The following PRDM15 variants were observed in gnomAD, a reference collection of about 807,000 sequenced individuals.
PRDM15 encodes PR/SET domain 15, also known as PR domain zinc finger protein 15.
In PRDM15, 64 loss-of-function variants were observed where a neutral mutation model predicts 128.6. That is an observed-to-expected ratio of 0.50 (90% CI 0.41 to 0.61). The LOEUF (loss-of-function observed/expected upper bound fraction) is 0.61. PRDM15 is among the 20% of genes least tolerant of loss of function. PRDM15 has a pLI of 0.00. For missense variants in PRDM15, 1,242 were observed against 1,569.1 expected (o/e 0.79, Z 3.52); for synonymous variants, 615 against 621.8 (o/e 0.99, Z 0.16).
intron 11 of PRDM15, among the ~76,000 whole-genome samples, chr21:41,833,319 GC>G (rs1486440339): frequency 6.6e-6 from 1 of 152,084 alleles, no homozygotes; most frequent in Admixed American, 6.5e-5. Context: ...TTTTAAAACT[GC>G]CCCCCACACC....
In PRDM15 at chr21:41,821,141, G is replaced by A; in HGVS notation, c.1986C>T (p.Arg662=). 2 of 1,614,238 alleles carry A rather than the reference G, an allele frequency of 1.2e-6. No individual in the cohort carries two copies. Among genetic ancestry groups the A allele is most frequent in the South Asian group, 2.2e-5 (2 of 91,086 alleles). ...KGYGCSICNR[R]FALKATYHAH... The stretch of plus-strand genomic sequence containing the variant: ...CGTGGTAGGTGGCCTTCAGTGCAAA[G>A]CGCCGGTTGCAGATGCTGCAGCCAT... The change falls in exon 16 of 24, where the codon CGC becomes CGT. Residue 662 remains arginine, a synonymous_variant. Coordinates refer to ENST00000398548, the MANE Select transcript of PRDM15 (RefSeq NM_001040424.3). The surrounding 1 kb of genome is among the most constrained non-coding windows in gnomAD (Gnocchi z 5.4).
chr21:41,815,264 C>T (rs1286887859), intron 19 of PRDM15, among the ~76,000 whole-genome samples: 1 of 152,216 alleles, frequency 6.6e-6, no homozygotes, highest in East Asian at 1.9e-4. Flanking sequence ...CGAGCGGACA[C>T]CTTGCTCTTT....
At chr21:41,822,107 G>A (rs1249838161) in intron 14 of PRDM15, 70 bp from the exon 15 acceptor site, 1 of 1,595,254 alleles carries the variant, frequency 6.3e-7, no homozygotes, top group African/African-American at 1.3e-5. Context: ...CTACACCGCA[G>A]GGACGACCAA....
chr21:41,833,359 A>G (rs1057309946), intron 11 of PRDM15, among the ~76,000 whole-genome samples: 1 of 152,218 alleles, frequency 6.6e-6, no homozygotes, highest in Non-Finnish European at 1.5e-5. Flanking sequence ...TGAGTCCTCG[A>G]GAGAGGGTGA....
rs917334648 is a variant in PRDM15, at chr21:41,811,291, C to T, written c.2393-455G>A. 9.0e-5 allele frequency: 15 copies of T among 167,328 alleles called. No individual in the cohort carries two copies. The highest frequency in any genetic ancestry group is 1.8e-4 in the Non-Finnish European group (14 of 76,148). 10.4% of individuals were successfully genotyped at this position (167,328 alleles called of 1,614,324 possible). ...CCAAGCGTAAAAGACAACAGAACTGCCGTGCTCGGACAAAATGAGTGTGAT... is the reference window on the plus strand; with the variant it reads ...CCAAGCGTAAAAGACAACAGAACTGTCGTGCTCGGACAAAATGAGTGTGAT... On this transcript the variant is annotated intron_variant, in intron 19 of 23. Coordinates refer to ENST00000398548, the MANE Select transcript of PRDM15 (RefSeq NM_001040424.3). This position sits in a 1 kb window ranked among gnomAD's most constrained non-coding sequence, Gnocchi z 4.1.
In PRDM15 at chr21:41,798,638, A is replaced by T. The variant is rs980710048; in HGVS notation, c.*2602T>A. ...GGATGGCACTCGAGTCCACAGCTGC[A>T]CGGAGCCACGGGTCCAAAACGAATT... On this transcript the variant is annotated 3_prime_UTR_variant, in exon 24 of 24. Coordinates refer to ENST00000398548, the MANE Select transcript of PRDM15 (RefSeq NM_001040424.3). The T allele has an allele frequency of 2.6e-5, 4 of 152,248 alleles. No individual in the cohort carries two copies. Among genetic ancestry groups the T allele is most frequent in the African/African-American group, 9.6e-5 (4 of 41,458 alleles). The allele number at this position is 152,248 out of a possible 1,614,324, so 9.4% of individuals were successfully genotyped here.
chr21:41,823,048 A>AGAAT (rs1601216132), intron 14 of PRDM15: 2 of 378,432 alleles, frequency 5.3e-6, no homozygotes, highest in East Asian at 1.1e-4. Flanking sequence ...AAAAAAAAAA[A>AGAAT]GAATGGGATT....
Position 41,804,518 on chromosome 21 carries a change from G to A in PRDM15, c.2733+16C>T. The A allele has an allele frequency of 6.4e-7, 1 of 1,554,920 alleles. No individual in the cohort carries two copies. The highest frequency in any genetic ancestry group is 1.9e-5 in the Admixed American group (1 of 51,316). On this transcript the variant is annotated intron_variant, in intron 22 of 23. Coordinates refer to ENST00000398548, the MANE Select transcript of PRDM15 (RefSeq NM_001040424.3). Reference sequence around the variant, plus strand: ...ACCCCAAAGTTTCTGAGCCCCTGGGGCCCCATGCTGCTCACCTGGACGATG... The same window carrying A: ...ACCCCAAAGTTTCTGAGCCCCTGGGACCCCATGCTGCTCACCTGGACGATG...
rs776081324 is a variant in PRDM15, at chr21:41,839,645, G to A, written c.849C>T (p.Ile283=). 1.9e-6 allele frequency: 3 copies of A among 1,612,404 alleles called. No homozygotes were observed. Among genetic ancestry groups the A allele is most frequent in the South Asian group, 1.1e-5 (1 of 91,030 alleles). The change falls in exon 7 of 24, where the codon ATC becomes ATT. Residue 283 remains isoleucine, a synonymous_variant. Coordinates refer to ENST00000398548, the MANE Select transcript of PRDM15 (RefSeq NM_001040424.3). ...KVSKAEQPLV[I]VEDKEPTEQV... is the part of the protein sequence containing the mutation. Reference sequence around the variant, plus strand: ...CACCTGTGGGTTCCTTGTCTTCCACGATGACTAGAGGCTGCTCAGCTTTGG... The same window carrying A: ...CACCTGTGGGTTCCTTGTCTTCCACAATGACTAGAGGCTGCTCAGCTTTGG...
intron 6 of PRDM15, among the ~76,000 whole-genome samples, chr21:41,846,793 G>A (rs953308215): frequency 6.6e-6 from 1 of 152,256 alleles, no homozygotes; most frequent in South Asian, 2.1e-4. Context: ...TGCCACGGCT[G>A]GCTCCTGGCC....
At position 41,802,824 on chromosome 21, in the gene PRDM15, GCCT is replaced by G; in HGVS notation, c.2828_2830del (p.Glu943del). On this transcript the variant is annotated inframe_deletion, in exon 23 of 24. Coordinates refer to ENST00000398548, the MANE Select transcript of PRDM15 (RefSeq NM_001040424.3). ...GGCGTCCTCGGGCACCGGAGCACCC[GCCT>G]CCTCTTCTGGCTTCTGCTTTCTCTT... 1 of 1,614,148 alleles carries G rather than the reference GCCT, an allele frequency of 6.2e-7. No homozygotes were observed. Among genetic ancestry groups the G allele is most frequent in the Admixed American group, 1.7e-5 (1 of 60,026 alleles).
Position 41,836,547 on chromosome 21 carries a change from G to C in PRDM15, c.1104C>G (p.His368Gln). Residue 368 changes from histidine to glutamine, a missense_variant, in exon 9 of 24, where the codon CAC (histidine) becomes CAG (glutamine). This residue lies in a region of PRDM15 where 612 missense variants were observed against 717.0 expected (regional missense o/e 0.85). Transcript: ENST00000398548. ...AGATATTGCACTGGTAAACCCGCTT[G>C]TGCTCCCCGAGCTGTTTGATGAGCT... is the stretch of plus-strand genomic sequence containing the variant. ...RRKLIKQLGE[H>Q]KRVYQCNICS... 1 of 1,613,244 alleles carries C rather than the reference G, an allele frequency of 6.2e-7. No homozygotes were observed. The highest frequency in any genetic ancestry group is 8.5e-7 in the Non-Finnish European group (1 of 1,180,002).
intron 3 of PRDM15, among the ~76,000 whole-genome samples, chr21:41,857,823 G>C (rs1308081667): frequency 6.6e-6 from 1 of 152,202 alleles, no homozygotes; most frequent in Non-Finnish European, 1.5e-5. Context: ...TGAGACTGAG[G>C]TTGTGATGAT....
At chr21:41,830,596 AAC>A (rs1343226002) in intron 11 of PRDM15, among the ~76,000 whole-genome samples, 1 of 151,598 alleles carries the variant, frequency 6.6e-6, no homozygotes, top group African/African-American at 2.4e-5. Context: ...CCTCATATTC[AAC>A]ACACACCACA....
At chr21:41,831,064 G>C (rs529247864) in intron 11 of PRDM15, among the ~76,000 whole-genome samples, 338 of 152,368 alleles carry the variant, frequency 2.2e-3, no homozygotes, top group Admixed American at 3.7e-3. Context: ...GGGTGACCCA[G>C]GAGCGGGGCA....
At chr21:41,827,756 G>A (rs563584633) in intron 12 of PRDM15, among the ~76,000 whole-genome samples, 1 of 151,990 alleles carries the variant, frequency 6.6e-6, no homozygotes, top group South Asian at 2.1e-4. Context: ...GTGTATGAAG[G>A]GCTGCTGCTC....
At position 41,798,796 on chromosome 21, in the gene PRDM15, A is replaced by C. The variant is rs1053250034; in HGVS notation, c.*2444T>G. The C allele has an allele frequency of 1.3e-5, 2 of 152,258 alleles. No individual in the cohort carries two copies. The highest frequency in any genetic ancestry group is 2.9e-5 in the Non-Finnish European group (2 of 68,054). The allele number at this position is 152,258 out of a possible 1,614,324, so 9.4% of individuals were successfully genotyped here. A position where few individuals can be genotyped will look rare whatever the true frequency, so the allele number is the denominator to read the frequency against. On this transcript the variant is annotated 3_prime_UTR_variant, in exon 24 of 24. Coordinates refer to ENST00000398548, the MANE Select transcript of PRDM15 (RefSeq NM_001040424.3). The stretch of plus-strand genomic sequence containing the variant: ...TCCTGTCATGATGATCAATATGCAG[A>C]ACTGCGTATAGGTGAGGACTCTTCT...
intron 21 of PRDM15, among the ~76,000 whole-genome samples, chr21:41,808,964 C>G (rs1459466937): frequency 6.6e-6 from 1 of 152,216 alleles, no homozygotes; most frequent in Non-Finnish European, 1.5e-5. Context: ...CTCGTGCCAG[C>G]CGGCCAGTGT....
intron 11 of PRDM15, among the ~76,000 whole-genome samples, chr21:41,830,206 T>C (rs1442844346): frequency 1.5e-5 from 2 of 133,064 alleles, no homozygotes; most frequent in African/African-American, 5.7e-5. Context: ...ATACACACAT[T>C]CAACACAAAC....
Sources: allele counts gnomAD v4.1 joint callset (sites outside exome capture counted in the v4.1 genomes callset), GRCh38; gene constraint gnomAD v4.1.1; regional missense constraint gnomAD v4.1.1; non-coding constraint Gnocchi (gnomAD v3.1); transcripts MANE v1.5; gene names NCBI Gene and HGNC (gene_info 2026-07-23, HGNC 2026-07-21).